The following TAF11 variants were observed in gnomAD, a reference collection of about 807,000 sequenced individuals.
The protein encoded by TAF11 is transcription initiation factor TFIID subunit 11.
A neutral mutation model predicts 23.0 loss-of-function variants in TAF11; 10 were observed. That is an observed-to-expected ratio of 0.43 (90% CI 0.27 to 0.74). The LOEUF (loss-of-function observed/expected upper bound fraction) is 0.74. Among genes scored for constraint, TAF11 ranks in the 30% least tolerant of loss-of-function variants. The pLI is 0.19. For synonymous variants in TAF11, 85 were observed against 95.8 expected (o/e 0.89, Z 0.66); for missense variants, 196 against 261.7 (o/e 0.75, Z 1.73).
In TAF11 at chr6:34,882,593, G is replaced by A. The variant is rs934262024; in HGVS notation, c.320+339C>T. Among the ~76,000 whole-genome samples, 7 of 151,354 alleles carry A rather than the reference G, an allele frequency of 4.6e-5. No homozygotes were observed. The East Asian group carries it at 7.7e-4, about 17-fold the overall frequency. Reference sequence around the variant, plus strand: ...CAGGATGTGGAGGCTGCAGTGAGCCGAGATCACACCATTGCACTCCAGCCT... The same window carrying A: ...CAGGATGTGGAGGCTGCAGTGAGCCAAGATCACACCATTGCACTCCAGCCT... On this transcript the variant is annotated intron_variant, in intron 2 of 4. Coordinates refer to ENST00000361288, the MANE Select transcript of TAF11 (RefSeq NM_005643.4).
intron 1 of TAF11, among the ~76,000 whole-genome samples, chr6:34,886,616 C>T (rs948526035): frequency 6.6e-6 from 1 of 151,988 alleles, no homozygotes; most frequent in Admixed American, 6.5e-5. Context: ...CAGGCGCCCG[C>T]CACCATGCCC....
chr6:34,886,352 G>C (rs1766524322), intron 1 of TAF11, among the ~76,000 whole-genome samples: 1 of 152,072 alleles, frequency 6.6e-6, no homozygotes, highest in Non-Finnish European at 1.5e-5. Context: ...GCACACTCCA[G>C]CCTGGGCAAC....
At chr6:34,887,563 G>C (rs1766554156) in intron 1 of TAF11, among the ~76,000 whole-genome samples, 1 of 152,064 alleles carries the variant, frequency 6.6e-6, no homozygotes, top group Non-Finnish European at 1.5e-5. Flanking sequence ...AATCCCTAAA[G>C]ACAAGACTAA....
rs1282282914 is a variant in TAF11, at chr6:34,887,675, C to T, written c.171+112G>A. 3.1e-6 allele frequency: 4 copies of T among 1,308,636 alleles called. No homozygotes were observed. The African/African-American group carries it at 5.8e-5, about 19-fold the overall frequency. 81.1% of individuals were successfully genotyped at this position (1,308,636 alleles called of 1,614,324 possible). ...CAAGATTAACGATCTGGAGGGAATT[C>T]TGGTGAGTTCGAGTTCTCGTAACTT... On this transcript the variant is annotated intron_variant, in intron 1 of 4. Coordinates refer to ENST00000361288, the MANE Select transcript of TAF11 (RefSeq NM_005643.4).
Position 34,887,884 on chromosome 6 carries a change from G to A in TAF11, c.74C>T (p.Pro25Leu), listed in dbSNP as rs1289494046. The change falls in exon 1 of 5, where the codon CCC becomes CTC. Residue 25 changes from proline to leucine, a missense_variant. Physicochemically the swap from Pro to Leu is moderately conservative, Grantham distance 98. Transcript: ENST00000361288. Reference sequence around the variant, plus strand: ...GGTGTCGGTAGCCCCCGGGTCCCCGGGCACAGCGGCCGTCTCATCCGACTC... The same window carrying A: ...GGTGTCGGTAGCCCCCGGGTCCCCGAGCACAGCGGCCGTCTCATCCGACTC... Reference protein sequence around the residue: ...TGESDETAAVPGDPGATDTDG... With the variant: ...TGESDETAAVLGDPGATDTDG... The A allele has an allele frequency of 6.2e-7, 1 of 1,614,096 alleles. No individual in the cohort carries two copies. The highest frequency in any genetic ancestry group is 8.5e-7 in the Non-Finnish European group (1 of 1,180,054).
At chr6:34,886,759 C>T (rs1451826831) in intron 1 of TAF11, among the ~76,000 whole-genome samples, 1 of 152,084 alleles carries the variant, frequency 6.6e-6, no homozygotes, top group African/African-American at 2.4e-5. Flanking sequence ...AGCCACTACG[C>T]CCAGACAAAT....
In TAF11 at chr6:34,880,481, G is replaced by C. The variant is rs532124094; in HGVS notation, c.321-105C>G. On this transcript the variant is annotated intron_variant, in intron 2 of 4. Transcript: ENST00000361288. This position sits in a 1 kb window ranked among gnomAD's most constrained non-coding sequence, Gnocchi z 4.8. Reference sequence around the variant, plus strand: ...CAATTCAAAAACGAATTCTTAAAGGGGTCAATGGCATTAGGCTTGGTGCCT... The same window carrying C: ...CAATTCAAAAACGAATTCTTAAAGGCGTCAATGGCATTAGGCTTGGTGCCT... 5.0e-6 allele frequency: 5 copies of C among 995,910 alleles called. No individual in the cohort carries two copies. Among genetic ancestry groups the C allele is most frequent in the Non-Finnish European group, 6.0e-6 (4 of 664,048 alleles). 61.7% of individuals were successfully genotyped at this position (995,910 alleles called of 1,614,324 possible). A position where few individuals can be genotyped will look rare whatever the true frequency, so the allele number is the denominator to read the frequency against.
In TAF11 at chr6:34,879,959, C is replaced by T. The variant is rs1766390491; in HGVS notation, c.505+8G>A. ...TACAATCCAGTATTTGTAACCAACA[C>T]TACTCACCTTCTTCTACCACCTCCC... is the stretch of plus-strand genomic sequence containing the variant. On this transcript the variant is annotated splice_region_variant and intron_variant, in intron 4 of 4. Coordinates refer to ENST00000361288, the MANE Select transcript of TAF11 (RefSeq NM_005643.4). 6.2e-7 allele frequency: 1 copy of T among 1,612,508 alleles called. No homozygotes were observed. The highest frequency in any genetic ancestry group is 8.5e-7 in the Non-Finnish European group (1 of 1,178,814).
At chr6:34,886,465 T>C (rs2127433746) in intron 1 of TAF11, among the ~76,000 whole-genome samples, 1 of 151,954 alleles carries the variant, frequency 6.6e-6, no homozygotes, top group East Asian at 1.9e-4. Flanking sequence ...TTTTTCTTTC[T>C]TTTCTTTTCT....
At chr6:34,886,434 TTG>T (rs1261032348) in intron 1 of TAF11, among the ~76,000 whole-genome samples, 1 of 151,990 alleles carries the variant, frequency 6.6e-6, no homozygotes, top group Non-Finnish European at 1.5e-5. Context: ...TAAAATACTT[TTG>T]TCAAATGTTC....
chr6:34,879,367 C>A, intron 4 of TAF11: 1 of 961,288 alleles, frequency 1.0e-6, no homozygotes, highest in Non-Finnish European at 1.2e-6. Context: ...ATTTTGTATA[C>A]CATCTTAATT....
At position 34,878,346 on chromosome 6, in the gene TAF11, A is replaced by C. The variant is rs1766351089; in HGVS notation, c.*244T>G. 1 of 459,670 alleles carries C rather than the reference A, an allele frequency of 2.2e-6. No individual in the cohort carries two copies. The highest frequency in any genetic ancestry group is 1.9e-5 in the African/African-American group (1 of 51,656). The allele number at this position is 459,670 out of a possible 1,614,324, so 28.5% of individuals were successfully genotyped here. On this transcript the variant is annotated 3_prime_UTR_variant, in exon 5 of 5. Transcript: ENST00000361288. The stretch of plus-strand genomic sequence containing the variant: ...GCTTATGGCCCACGTATCTTCTTCC[A>C]ACTGGTCAAGACAGTTAAATACTTC...
intron 2 of TAF11, among the ~76,000 whole-genome samples, chr6:34,882,667 A>AAAAAT (rs1561823828): frequency 6.6e-6 from 1 of 152,018 alleles, no homozygotes; most frequent in Non-Finnish European, 1.5e-5. Context: ...ATAAAAAAAA[A>AAAAAT]AACATAACAT....
At chr6:34,887,644 C>G (rs1045453543) in intron 1 of TAF11, 143 bp downstream of exon 1, 1 of 1,014,414 alleles carries the variant, frequency 9.9e-7, no homozygotes, top group African/African-American at 1.6e-5. Context: ...CCCCTCTCTT[C>G]CCCCTCAAGA....
At position 34,882,921 on chromosome 6, in the gene TAF11, A is replaced by T. The variant is rs771356530; in HGVS notation, c.320+11T>A. ...AGCCTCGAAATGGGGAATGATAAGA[A>T]AGTGACTTACTGCATCTTCTGAATC... On this transcript the variant is annotated intron_variant, in intron 2 of 4. Transcript: ENST00000361288. 6.3e-7 allele frequency: 1 copy of T among 1,589,320 alleles called. No individual in the cohort carries two copies. Among genetic ancestry groups the T allele is most frequent in the East Asian group, 2.3e-5 (1 of 44,218 alleles).
chr6:34,886,380 CAAAACAAAAAACAA>C (rs773858282), intron 1 of TAF11, among the ~76,000 whole-genome samples: 16 of 134,800 alleles, frequency 1.2e-4, no homozygotes, highest in South Asian at 2.3e-4. Flanking sequence ...GACTCGGTCT[CAAAACAAAAAACAA>C]AAAACAAAAA....
chr6:34,882,344 A>T (rs957748659), intron 2 of TAF11, among the ~76,000 whole-genome samples: 7 of 144,234 alleles, frequency 4.9e-5, no homozygotes, highest in African/African-American at 1.6e-4. Flanking sequence ...GTCTCAAAAA[A>T]AAAAAATTTT....
At chr6:34,883,762 G>A (rs189103116) in intron 1 of TAF11, among the ~76,000 whole-genome samples, 2 of 152,202 alleles carry the variant, frequency 1.3e-5, no homozygotes, top group Non-Finnish European at 2.9e-5. Flanking sequence ...CTTAAAAGTA[G>A]GCAAAGACAC....
At position 34,880,080 on chromosome 6, in the gene TAF11, A is replaced by G; in HGVS notation, c.409-17T>C. Reference sequence around the variant, plus strand: ...CTGGATCAGCTTGAAAGAAGCACAAAGACTCCGTGATCACAATAGTCAAAG... The same window carrying G: ...CTGGATCAGCTTGAAAGAAGCACAAGGACTCCGTGATCACAATAGTCAAAG... On this transcript the variant is annotated splice_polypyrimidine_tract_variant and intron_variant, in intron 3 of 4. Transcript: ENST00000361288. This position sits in a 1 kb window ranked among gnomAD's most constrained non-coding sequence, Gnocchi z 4.8. 1 of 1,609,594 alleles carries G rather than the reference A, an allele frequency of 6.2e-7. No individual in the cohort carries two copies. Among genetic ancestry groups the G allele is most frequent in the Non-Finnish European group, 8.5e-7 (1 of 1,176,074 alleles).
Sources: gnomAD v4.1 joint callset for allele counts (sites outside exome capture counted in the v4.1 genomes callset) on GRCh38, gnomAD v4.1.1 for gene constraint, Gnocchi (gnomAD v3.1) non-coding constraint, MANE v1.5 for transcripts, NCBI Gene and HGNC (gene_info 2026-07-23, HGNC 2026-07-21) for gene names.